Variants in PPP2R3A observed in about 807,000 individuals in gnomAD.
PPP2R3A encodes the protein protein phosphatase 2 regulatory subunit B''alpha.
Under a neutral mutation model 106.9 loss-of-function variants are expected in PPP2R3A, and 80 were observed. The ratio of observed to expected loss-of-function variants is 0.75; its 90% CI spans 0.62 to 0.90. The LOEUF (loss-of-function observed/expected upper bound fraction) is 0.90. Among genes scored for constraint, PPP2R3A ranks in the 40% least tolerant of loss-of-function variants. The pLI is 0.00. For missense variants in PPP2R3A, 1,386 were observed against 1,350.4 expected, an observed-to-expected ratio of 1.03 and a Z score of -0.41; for synonymous variants, 483 against 468.3, an observed-to-expected ratio of 1.03 and a Z score of -0.41.
Position 136,027,043 on chromosome 3 carries a change from T to C in PPP2R3A, c.2207T>C (p.Phe736Ser), listed in dbSNP as rs1934689325. 6.2e-7 allele frequency: 1 copy of C among 1,613,544 alleles called. No individual in the cohort carries two copies. Among genetic ancestry groups the C allele is most frequent in the South Asian group, 1.1e-5 (1 of 91,056 alleles). ...ACTCTAAGCAGAATTGAAACTGCTT[T>C]CATGGATATTGAAGAACAGAAAGCA... ...EQTLSRIETAFMDIEEQKADI... is the reference protein window; with the variant it reads ...EQTLSRIETASMDIEEQKADI... The change falls in exon 3 of 14, where the codon TTC becomes TCC. Residue 736 changes from phenylalanine to serine, a missense_variant. By Grantham distance (155) the Phe-to-Ser change is radical. Coordinates refer to ENST00000264977, the MANE Select transcript of PPP2R3A (RefSeq NM_002718.5).
intron 13 of PPP2R3A, among the ~76,000 whole-genome samples, chr3:136,109,016 G>T (rs961178956): frequency 6.6e-6 from 1 of 152,076 alleles, no homozygotes; most frequent in African/African-American, 2.4e-5. Flanking sequence ...GAGCAGCCAT[G>T]GTAGAAAAGA....
At chr3:136,017,221 T>C (rs908114940) in intron 2 of PPP2R3A, among the ~76,000 whole-genome samples, 1 of 152,194 alleles carries the variant, frequency 6.6e-6, no homozygotes, top group Non-Finnish European at 1.5e-5. Flanking sequence ...AAAAGTTACC[T>C]GATGCTTTTA....
At chr3:136,070,665 T>G (rs1199077098) in intron 6 of PPP2R3A, 113 bp downstream of exon 6, 7 of 734,562 alleles carry the variant, frequency 9.5e-6, no homozygotes, top group Non-Finnish European at 1.4e-5. Flanking sequence ...TTATAATGAT[T>G]ATTTCAAGTG....
At chr3:136,020,502 T>A (rs571799257) in intron 2 of PPP2R3A, among the ~76,000 whole-genome samples, 1 of 152,256 alleles carries the variant, frequency 6.6e-6, no homozygotes, top group Admixed American at 6.5e-5. Flanking sequence ...TAAACTTCAG[T>A]GATTTTTCTC....
rs867648394 is a variant in PPP2R3A at position 136,082,502 on chromosome 3, G to A, written c.2788+81G>A. 1.1e-4 allele frequency: 169 copies of A among 1,496,896 alleles called. 2 individuals are homozygous for A. The Middle Eastern group carries it at 2.9e-3, about 26-fold the overall frequency. 92.7% of individuals were successfully genotyped at this position (1,496,896 alleles called of 1,614,324 possible). On this transcript the variant is annotated intron_variant, in intron 8 of 13. Transcript: ENST00000264977. ...TCACTACTCATTATGAGAAATTCCC[G>A]TTTGCTAAATTCTAAACCTAATCAA...
rs2108047974 is a variant in PPP2R3A, at chr3:136,146,540, A to G, written c.*1374A>G. 6.6e-6 allele frequency: 1 copy of G among 152,328 alleles called. No homozygotes were observed. The highest frequency in any genetic ancestry group is 2.1e-4 in the South Asian group (1 of 4,832). 9.4% of individuals were successfully genotyped at this position (152,328 alleles called of 1,614,324 possible). A position where few individuals can be genotyped will look rare whatever the true frequency, so the allele number is the denominator to read the frequency against. Reference sequence around the variant, plus strand: ...GGAGAATTTAGGAAATAAATATGCTATAAACAAGGTACAGTACAGTGAGAG... The same window carrying G: ...GGAGAATTTAGGAAATAAATATGCTGTAAACAAGGTACAGTACAGTGAGAG... On this transcript the variant is annotated 3_prime_UTR_variant, in exon 14 of 14. Transcript: ENST00000264977.
chr3:136,089,444 T>A (rs998469848), intron 9 of PPP2R3A, among the ~76,000 whole-genome samples: 29 of 152,144 alleles, frequency 1.9e-4, no homozygotes, highest in African/African-American at 7.0e-4. Context: ...GGTCTGTGTG[T>A]CTGTTTTTGT....
intron 13 of PPP2R3A, among the ~76,000 whole-genome samples, chr3:136,139,387 A>T (rs936307945): frequency 6.6e-6 from 1 of 152,120 alleles, no homozygotes; most frequent in African/African-American, 2.4e-5. Flanking sequence ...TCATGCTAAC[A>T]AAACTATGTT....
Position 136,073,584 on chromosome 3 carries a change from A to G in PPP2R3A, c.2544+3032A>G, listed in dbSNP as rs1164665076. Among the ~76,000 whole-genome samples, 3 of 152,244 alleles carry G rather than the reference A, an allele frequency of 2.0e-5. No individual in the cohort carries two copies. In the East Asian group the frequency reaches 5.8e-4, roughly 29 times the overall value. ...GTGATAAAATGATGATAATATGGCA[A>G]CTCAAAACAGCACCATAACATAAAT... On this transcript the variant is annotated intron_variant, in intron 6 of 13. Coordinates refer to ENST00000264977, the MANE Select transcript of PPP2R3A (RefSeq NM_002718.5).
chr3:136,063,003 C>A (rs1337001834), intron 5 of PPP2R3A, among the ~76,000 whole-genome samples: 1 of 152,152 alleles, frequency 6.6e-6, no homozygotes, highest in Non-Finnish European at 1.5e-5. Context: ...AGGCATCACG[C>A]TACCTGACTT....
intron 2 of PPP2R3A, among the ~76,000 whole-genome samples, chr3:136,008,777 A>T (rs1359516145): frequency 6.6e-6 from 1 of 151,580 alleles, no homozygotes; most frequent in African/African-American, 2.4e-5. Flanking sequence ...CCCAGCCTCC[A>T]CTCCACCCTT....
At chr3:136,106,450 C>A in intron 13 of PPP2R3A, 128 bp downstream of exon 13, 2 of 739,466 alleles carry the variant, frequency 2.7e-6, no homozygotes, top group Admixed American at 3.0e-5. Flanking sequence ...GTGATTTAGC[C>A]AACTTTAGTT....
intron 13 of PPP2R3A, 97 bp from the exon 14 acceptor site, chr3:136,144,946 T>G (rs1298907490): frequency 7.2e-7 from 1 of 1,392,572 alleles, no homozygotes; most frequent in Non-Finnish European, 9.7e-7. Flanking sequence ...TCAAGGTACC[T>G]TTGTGGGCTG....
chr3:136,059,210 A>G (rs1935988472), intron 5 of PPP2R3A, among the ~76,000 whole-genome samples: 1 of 152,198 alleles, frequency 6.6e-6, no homozygotes, highest in Admixed American at 6.5e-5. Context: ...AGCCTACAGA[A>G]TGGGAGAAAA....
chr3:136,014,867 T>C (rs916170355), intron 2 of PPP2R3A, among the ~76,000 whole-genome samples: 3 of 152,170 alleles, frequency 2.0e-5, no homozygotes, highest in African/African-American at 7.2e-5. Context: ...CTATGTTGAA[T>C]AGAAGTGGTG....
At chr3:136,077,970 G>C (rs1345908712) in intron 6 of PPP2R3A, among the ~76,000 whole-genome samples, 1 of 152,130 alleles carries the variant, frequency 6.6e-6, no homozygotes, top group African/African-American at 2.4e-5. Context: ...CACCTTGATA[G>C]CCACCCTTCT....
In PPP2R3A at chr3:136,146,673, T is replaced by C. The variant is rs181440895; in HGVS notation, c.*1507T>C. 2.8e-4 allele frequency: 43 copies of C among 152,274 alleles called. 1 individual carries two copies. The highest frequency in any genetic ancestry group is 1.2e-3 in the Admixed American group (19 of 15,296). The allele number at this position is 152,274 out of a possible 1,614,324, so 9.4% of individuals were successfully genotyped here. ...TAACTATTACAGAAAGCAGTAACTA[T>C]TGCAACTATCTAATAGTTCACACAA... On this transcript the variant is annotated 3_prime_UTR_variant, in exon 14 of 14. Transcript: ENST00000264977.
chr3:135,977,763 A>G (rs1937458701), intron 1 of PPP2R3A, among the ~76,000 whole-genome samples: 1 of 134,376 alleles, frequency 7.4e-6, no homozygotes, highest in South Asian at 2.4e-4. Flanking sequence ...ACAGTGGTGC[A>G]ATCTCAGCTC....
At chr3:136,055,794 T>A in intron 5 of PPP2R3A, 2 of 567,028 alleles carry the variant, frequency 3.5e-6, no homozygotes, top group Non-Finnish European at 6.4e-6. Context: ...CACATACTGA[T>A]ATAAATAAAT....
Sources: gnomAD v4.1 joint callset for allele counts (sites outside exome capture counted in the v4.1 genomes callset) on GRCh38, gnomAD v4.1.1 for gene constraint, MANE v1.5 for transcripts, NCBI Gene and HGNC (gene_info 2026-07-23, HGNC 2026-07-21) for gene names.